RC3H1: variants seen among roughly 807,000 people sequenced by gnomAD.
The protein encoded by RC3H1 is ring finger and CCCH-type domains 1.
In RC3H1, 50 loss-of-function variants were observed where a neutral mutation model predicts 138.2. The ratio of observed to expected loss-of-function variants is 0.36; its 90% CI spans 0.29 to 0.46. The LOEUF (loss-of-function observed/expected upper bound fraction) is 0.46. Among genes scored for constraint, RC3H1 ranks in the 20% least tolerant of loss-of-function variants. RC3H1 has a pLI of 1.00. For synonymous variants in RC3H1, 462 were observed against 489.1 expected (o/e 0.94, Z 0.73); for missense variants, 1,031 against 1,388.1 (o/e 0.74, Z 4.09).
intron 17 of RC3H1, among the ~76,000 whole-genome samples, chr1:173,944,587 A>G (rs1209688522): frequency 6.6e-6 from 1 of 152,134 alleles, no homozygotes; most frequent in African/African-American, 2.4e-5. Context: ...AAACAAACAA[A>G]CAAAAAACCA....
At chr1:174,020,717 T>C (rs1229588162) in intron 1 of RC3H1, among the ~76,000 whole-genome samples, 2 of 152,132 alleles carry the variant, frequency 1.3e-5, no homozygotes, top group African/African-American at 4.8e-5. Flanking sequence ...CCTTGAAAAA[T>C]TAAGTTTAAG....
chr1:174,015,094 C>A (rs970816135), intron 1 of RC3H1, among the ~76,000 whole-genome samples: 6 of 152,162 alleles, frequency 3.9e-5, no homozygotes, highest in African/African-American at 1.4e-4. Context: ...ACCTATATGG[C>A]TCTACTCCAA....
intron 2 of RC3H1, among the ~76,000 whole-genome samples, chr1:173,989,999 TACAGGCGTGAGCC>T (rs1661206711): frequency 6.6e-6 from 1 of 152,004 alleles, no homozygotes; most frequent in Non-Finnish European, 1.5e-5. Flanking sequence ...GTGCTGGGAT[TACAGGCGTGAGCC>T]ACCGCGCCCG....
intron 2 of RC3H1, among the ~76,000 whole-genome samples, chr1:173,989,819 C>A (rs868184123): frequency 2.0e-5 from 3 of 149,082 alleles, no homozygotes; most frequent in South Asian, 2.1e-4. Flanking sequence ...CTCCGCTTCC[C>A]GGGTTCACGC....
At position 174,000,931 on chromosome 1, in the gene RC3H1, T is replaced by A. The variant is rs12410362; in HGVS notation, c.-150-7796A>T. 7.0e-3 allele frequency among the ~76,000 whole-genome samples: 1,072 copies of A among 152,350 alleles called. 33 individuals carry two copies. The highest frequency in any genetic ancestry group is 0.051 in the Admixed American group (773 of 15,294). ...CTTGTGAACAAAGACCCAGTTTTGA[T>A]TGTAAAAATACATCTTCCCAAAATG... On this transcript the variant is annotated intron_variant, in intron 1 of 19. Transcript: ENST00000367696.
Position 173,992,875 on chromosome 1 carries a change from G to A in RC3H1, c.111C>T (p.Val37=), listed in dbSNP as rs780415360. 6.8e-6 allele frequency: 11 copies of A among 1,614,044 alleles called. No individual in the cohort carries two copies. Among genetic ancestry groups the A allele is most frequent in the Middle Eastern group, 1.6e-4 (1 of 6,084 alleles). The part of the protein sequence containing the change: ...KPISLGCGHT[V]CKMCLNKLHR... The stretch of plus-strand genomic sequence containing the variant: ...GGAGTTTATTCAGGCACATCTTGCA[G>A]ACAGTATGGCCACAACCCAAACTGA... The change falls in exon 2 of 20, where the codon GTC becomes GTT. Residue 37 remains valine, a synonymous_variant. Transcript: ENST00000367696.
chr1:173,994,381 G>A (rs112324908), intron 1 of RC3H1, among the ~76,000 whole-genome samples: 3,334 of 152,184 alleles, frequency 0.022, 145 homozygotes, highest in African/African-American at 0.077. Flanking sequence ...GACACAGTGA[G>A]ACTCCATCTC....
At position 173,983,645 on chromosome 1, in the gene RC3H1, T is replaced by C; in HGVS notation, c.365A>G (p.Asn122Ser). 1.9e-6 allele frequency: 3 copies of C among 1,614,156 alleles called. No individual in the cohort carries two copies. The highest frequency in any genetic ancestry group is 2.5e-6 in the Non-Finnish European group (3 of 1,180,006). The change falls in exon 4 of 20, where the codon AAC becomes AGC. Residue 122 changes from asparagine to serine, a missense_variant. Physicochemically the swap from Asn to Ser is conservative, Grantham distance 46. Transcript: ENST00000367696. ...ACTCAGAACACTCTGAGTAGTGCTG[T>C]TCAGACCCACTCCTTTAAAAGAGTA... ...PLSSARGVGL[N>S]STTQSVLSRP... is the part of the protein sequence containing the mutation.
intron 1 of RC3H1, among the ~76,000 whole-genome samples, chr1:173,993,542 C>T (rs1362380560): frequency 2.0e-5 from 3 of 151,608 alleles, no homozygotes; most frequent in East Asian, 3.9e-4. Flanking sequence ...TACAGGCATG[C>T]ACCACCACAC....
chr1:173,978,569 G>A lies in RC3H1; in HGVS notation c.1021C>T (p.Leu341Phe). ...AQSVQELTIA[L>F]QRTGDPANLN... ...TTTGCTGGGTCTCCAGTTCGCTGGA[G>A]AGCAATTGTTAGTTCCTGAACACTC... The change falls in exon 7 of 20, where the codon CTC (leucine) becomes TTC (phenylalanine). Residue 341 changes from leucine to phenylalanine, a missense_variant. By Grantham distance (22) the Leu-to-Phe change is conservative. Around this residue, in one of 7 missense-constraint regions of RC3H1, gnomAD observed 142 missense variants for 224.6 expected, o/e 0.63. Coordinates refer to ENST00000367696, the MANE Select transcript of RC3H1 (RefSeq NM_172071.4). 1 of 1,614,078 alleles carries A rather than the reference G, an allele frequency of 6.2e-7. No homozygotes were observed. The highest frequency in any genetic ancestry group is 8.5e-7 in the Non-Finnish European group (1 of 1,179,964).
At chr1:173,960,057 GAGATTGCAC>G (rs1272717714) in intron 13 of RC3H1, among the ~76,000 whole-genome samples, 1 of 140,290 alleles carries the variant, frequency 7.1e-6, no homozygotes, top group Admixed American at 7.5e-5. Flanking sequence ...GCAGTGAGTT[GAGATTGCAC>G]CACTGTACTC....
chr1:173,956,135 AAAAAAAAAAAG>A (rs890946608), intron 13 of RC3H1, among the ~76,000 whole-genome samples: 23 of 151,222 alleles, frequency 1.5e-4, no homozygotes, highest in Non-Finnish European at 2.2e-4. Flanking sequence ...TGTCTCAAAA[AAAAAAAAAAAG>A]AAAAAAAAAA....
At chr1:174,008,087 T>C (rs533555659) in intron 1 of RC3H1, among the ~76,000 whole-genome samples, 2 of 152,222 alleles carry the variant, frequency 1.3e-5, no homozygotes, top group South Asian at 2.1e-4. Context: ...TGCTTTAGAC[T>C]TCCTTGTGGC....
chr1:173,942,539 A>T (rs1363188854), intron 18 of RC3H1, among the ~76,000 whole-genome samples: 2 of 151,866 alleles, frequency 1.3e-5, no homozygotes, highest in Non-Finnish European at 2.9e-5. Context: ...GCTTAGAAAG[A>T]TTATGAAAAC....
chr1:173,972,940 G>A (rs968404294), intron 7 of RC3H1, among the ~76,000 whole-genome samples: 3 of 152,222 alleles, frequency 2.0e-5, no homozygotes, highest in South Asian at 4.1e-4. Flanking sequence ...AGGGACTGCT[G>A]AACTGGGGAG....
At chr1:173,974,789 G>A (rs538253066) in intron 7 of RC3H1, among the ~76,000 whole-genome samples, 68 of 152,290 alleles carry the variant, frequency 4.5e-4, no homozygotes, top group Admixed American at 1.6e-3. Context: ...GAATTTATGA[G>A]CAGAGGGTGA....
chr1:173,942,421 T>A (rs1571164399), intron 18 of RC3H1, among the ~76,000 whole-genome samples: 1 of 72,756 alleles, frequency 1.4e-5, no homozygotes, highest in African/African-American at 1.5e-4. Context: ...TGACAGAGAC[T>A]CAGTCTCAAA....
At position 173,952,045 on chromosome 1, in the gene RC3H1, T is replaced by A. The variant is rs1659423282; in HGVS notation, c.2464A>T (p.Ile822Phe). 1 of 1,608,158 alleles carries A rather than the reference T, an allele frequency of 6.2e-7. No individual in the cohort carries two copies. Among genetic ancestry groups the A allele is most frequent in the South Asian group, 1.1e-5 (1 of 89,960 alleles). Residue 822 changes from isoleucine (I) to phenylalanine (F), a missense_variant, in exon 14 of 20, where the codon ATT becomes TTT. This residue lies in a region of RC3H1 where 716 missense variants were observed against 837.9 expected (regional missense o/e 0.85). Transcript: ENST00000367696. ...PWSCDTIGSY[I>F]GTKDAKPKDV... The stretch of plus-strand genomic sequence containing the variant: ...TTGGGTTTTGCATCTTTGGTTCCAA[T>A]GTAGGAGCCGATGGTGTCACATGAC...
At chr1:173,955,266 A>AACT (rs548722528) in intron 13 of RC3H1, among the ~76,000 whole-genome samples, 1 of 83,990 alleles carries the variant, frequency 1.2e-5, no homozygotes, top group African/African-American at 2.5e-4. Flanking sequence ...ATCTTCATAC[A>AACT]ACAACAACAA....
Sources: gnomAD v4.1 joint callset for allele counts (sites outside exome capture counted in the v4.1 genomes callset) on GRCh38, gnomAD v4.1.1 for gene constraint, gnomAD v4.1.1 regional missense constraint, MANE v1.5 for transcripts, NCBI Gene and HGNC (gene_info 2026-07-23, HGNC 2026-07-21) for gene names.